Variants in CNTNAP2 observed in about 807,000 individuals in gnomAD.
The protein encoded by CNTNAP2 is contactin-associated protein-like 2.
CNTNAP2 carries 98 observed loss-of-function variants against 155.2 expected under a neutral mutation model. The observed-to-expected ratio is 0.63, with a 90% CI of 0.54 to 0.75. The LOEUF (loss-of-function observed/expected upper bound fraction) is 0.75. CNTNAP2 is among the 30% of genes least tolerant of loss of function. CNTNAP2 has a pLI of 0.00. For missense variants in CNTNAP2, 1,727 were observed against 1,688.1 expected, an observed-to-expected ratio of 1.02 and a Z score of -0.40; for synonymous variants, 651 against 631.2, an observed-to-expected ratio of 1.03 and a Z score of -0.47.
At position 148,375,776 on chromosome 7, in the gene CNTNAP2, C is replaced by CATCGCCCTCCCCAAAAAGGAACATTGATA. The variant is rs1213511060; in HGVS notation, c.3476-7873_3476-7872insATCGCCCTCCCCAAAAAGGAACATTGATA. Among the ~76,000 whole-genome samples the CATCGCCCTCCCCAAAAAGGAACATTGATA allele has an allele frequency of 8.0e-4, 68 of 84,710 alleles. 5 individuals carry two copies. Among genetic ancestry groups the CATCGCCCTCCCCAAAAAGGAACATTGATA allele is most frequent in the East Asian group, 1.1e-3 (3 of 2,724 alleles). The allele number at this position is 84,710 out of a possible 152,430, so 55.6% of individuals were successfully genotyped here. On this transcript the variant is annotated intron_variant, in intron 21 of 23. Transcript: ENST00000361727. The stretch of plus-strand genomic sequence containing the variant: ...TTGGGAGGCCGAGGCAGGTGGATCA[C>CATCGCCCTCCCCAAAAAGGAACATTGATA]GAGGTCAGGAGTTCAAGACCAACCT...
At chr7:147,800,175 C>G (rs1176816925) in intron 13 of CNTNAP2, among the ~76,000 whole-genome samples, 1 of 152,148 alleles carries the variant, frequency 6.6e-6, no homozygotes, top group East Asian at 1.9e-4. Flanking sequence ...TCCCAAGTGT[C>G]AGATTCAATC....
intron 16 of CNTNAP2, among the ~76,000 whole-genome samples, chr7:148,123,413 C>A (rs1804641157): frequency 6.6e-6 from 1 of 152,064 alleles, no homozygotes; most frequent in Non-Finnish European, 1.5e-5. Flanking sequence ...CATGGTGAAA[C>A]CCTATCTCTA....
intron 3 of CNTNAP2, among the ~76,000 whole-genome samples, chr7:146,864,833 A>T (rs979148786): frequency 9.4e-5 from 7 of 74,394 alleles, no homozygotes; most frequent in Non-Finnish European, 1.8e-4. Context: ...AAAACAAAAC[A>T]AAACAGAACC....
intron 14 of CNTNAP2, among the ~76,000 whole-genome samples, chr7:147,954,218 T>A (rs11771457): frequency 0.035 from 5,259 of 152,174 alleles, 153 homozygotes; most frequent in South Asian, 0.13. Context: ...GCAACATAAC[T>A]TTTTTTCTTT....
intron 1 of CNTNAP2, among the ~76,000 whole-genome samples, chr7:146,552,305 C>T (rs974150554): frequency 2.0e-5 from 3 of 152,172 alleles, no homozygotes; most frequent in African/African-American, 7.2e-5. Flanking sequence ...GTTCCTTCCT[C>T]AGTTTTCTCT....
At chr7:147,918,000 G>A (rs1044290692) in intron 14 of CNTNAP2, among the ~76,000 whole-genome samples, 3 of 152,072 alleles carry the variant, frequency 2.0e-5, no homozygotes, top group African/African-American at 4.8e-5. Flanking sequence ...CAGAACCAGC[G>A]CCAGTGCTGC....
At chr7:146,275,653 A>G (rs1800152276) in intron 1 of CNTNAP2, among the ~76,000 whole-genome samples, 1 of 152,216 alleles carries the variant, frequency 6.6e-6, no homozygotes, top group Non-Finnish European at 1.5e-5. Flanking sequence ...TGTAAATCAC[A>G]TAAGATGCTA....
chr7:146,714,797 CT>C (rs1037384622), intron 1 of CNTNAP2, among the ~76,000 whole-genome samples: 1 of 152,016 alleles, frequency 6.6e-6, no homozygotes, highest in Admixed American at 6.6e-5. Flanking sequence ...AACAATATTC[CT>C]TCAAAATAAG....
At chr7:148,254,720 G>C (rs1035455623) in intron 20 of CNTNAP2, among the ~76,000 whole-genome samples, 1 of 145,480 alleles carries the variant, frequency 6.9e-6, no homozygotes, top group African/African-American at 2.5e-5. Flanking sequence ...AAGTTGCAGT[G>C]AGTCAAGATC....
chr7:148,250,599 C>A (rs1336434204), intron 20 of CNTNAP2, among the ~76,000 whole-genome samples: 1 of 152,212 alleles, frequency 6.6e-6, no homozygotes, highest in Non-Finnish European at 1.5e-5. Context: ...GCTCCATCAT[C>A]CTCTTTTCTC....
chr7:147,041,161 C>T (rs1288411345), intron 3 of CNTNAP2, among the ~76,000 whole-genome samples: 1 of 152,052 alleles, frequency 6.6e-6, no homozygotes, highest in African/African-American at 2.4e-5. Context: ...ATTATTTTGT[C>T]TCTAATCAGA....
intron 11 of CNTNAP2, among the ~76,000 whole-genome samples, chr7:147,545,358 T>C (rs900200385): frequency 6.6e-6 from 1 of 152,094 alleles, no homozygotes; most frequent in Admixed American, 6.6e-5. Context: ...TGGGCAATAA[T>C]TGAGTAAATT....
At chr7:148,039,160 G>A (rs545062855) in intron 15 of CNTNAP2, among the ~76,000 whole-genome samples, 1 of 152,138 alleles carries the variant, frequency 6.6e-6, no homozygotes, top group African/African-American at 2.4e-5. Flanking sequence ...CCTCAGAACC[G>A]GGAAAATTAT....
Position 147,303,150 on chromosome 7 carries a change from A to G in CNTNAP2, c.1498+2860A>G, listed in dbSNP as rs372579095. Among the ~76,000 whole-genome samples, 2 of 152,310 alleles carry G rather than the reference A, an allele frequency of 1.3e-5. 1 individual carries two copies. The highest frequency in any genetic ancestry group is 3.9e-4 in the East Asian group (2 of 5,186). ...CAGAATCTTTTACCATCTTCACACA[A>G]GGCTGGGTGTGTCTCTAAAAGGTGT... On this transcript the variant is annotated intron_variant, in intron 9 of 23. Coordinates refer to ENST00000361727, the MANE Select transcript of CNTNAP2 (RefSeq NM_014141.6).
chr7:148,203,797 T>C (rs952050388), intron 18 of CNTNAP2, among the ~76,000 whole-genome samples: 6 of 152,016 alleles, frequency 3.9e-5, no homozygotes, highest in Non-Finnish European at 8.8e-5. Flanking sequence ...CTGGTTTTCA[T>C]AGAAACAAGT....
intron 1 of CNTNAP2, among the ~76,000 whole-genome samples, chr7:146,332,991 T>G (rs1189912208): frequency 6.7e-6 from 1 of 149,032 alleles, no homozygotes; most frequent in African/African-American, 2.5e-5. Flanking sequence ...TAACCCAGAT[T>G]GGAATGCAGT....
intron 19 of CNTNAP2, among the ~76,000 whole-genome samples, chr7:148,224,605 A>G (rs1008506575): frequency 1.3e-5 from 2 of 152,260 alleles, no homozygotes; most frequent in African/African-American, 4.8e-5. Flanking sequence ...GACCCAATAA[A>G]ATAATCAGTT....
intron 13 of CNTNAP2, among the ~76,000 whole-genome samples, chr7:147,891,176 A>C (rs940637053): frequency 4.6e-5 from 7 of 151,982 alleles, no homozygotes; most frequent in African/African-American, 1.7e-4. Flanking sequence ...CAAGAAAATC[A>C]ACCATACAGT....
chr7:148,046,927 A>G (rs1041244786), intron 15 of CNTNAP2, among the ~76,000 whole-genome samples: 3 of 152,212 alleles, frequency 2.0e-5, no homozygotes, highest in Admixed American at 2.0e-4. Context: ...AAAAGCTTTT[A>G]CAAAATGATT....
Sources: allele counts gnomAD v4.1 joint callset (sites outside exome capture counted in the v4.1 genomes callset), GRCh38; gene constraint gnomAD v4.1.1; transcripts MANE v1.5; gene names NCBI Gene and HGNC (gene_info 2026-07-23, HGNC 2026-07-21).